The following DPP3 variants were observed in gnomAD, a reference collection of about 807,000 sequenced individuals.
The protein encoded by DPP3 is DPP III.
In DPP3, 64 loss-of-function variants were observed where a neutral mutation model predicts 89.8. The observed-to-expected ratio is 0.71, with a 90% CI of 0.58 to 0.88. The LOEUF (loss-of-function observed/expected upper bound fraction) is 0.88, where lower values mean the gene tolerates loss of function less well. Ranked by LOEUF, DPP3 falls within the 40% of genes least tolerant of loss-of-function variation. The probability of loss-of-function intolerance (pLI) is 0.00; values close to 1 mark genes in which losing one functional copy is unlikely to be tolerated. For synonymous variants in DPP3, 377 were observed against 404.3 expected, an observed-to-expected ratio of 0.93 and a Z score of 0.81; for missense variants, 835 against 972.5, an observed-to-expected ratio of 0.86 and a Z score of 1.88.
chr11:66,495,008 A>G (rs549025418), intron 12 of DPP3, among the ~76,000 whole-genome samples, 198 bp from the exon 13 acceptor site: 17 of 152,252 alleles, frequency 1.1e-4, no homozygotes, highest in East Asian at 5.8e-4. Flanking sequence ...CAGGCTCCCA[A>G]TGGCTCTGAG....
At chr11:66,490,330 C>G (rs146006354) in intron 6 of DPP3, among the ~76,000 whole-genome samples, 147 of 152,224 alleles carry the variant, frequency 9.7e-4, no homozygotes, top group African/African-American at 3.4e-3. Flanking sequence ...TTTACTGGCA[C>G]AAAACAACAC....
At chr11:66,486,268 T>TG (rs1855224009) in intron 3 of DPP3, among the ~76,000 whole-genome samples, 1 of 152,190 alleles carries the variant, frequency 6.6e-6, no homozygotes, top group Admixed American at 6.5e-5. Flanking sequence ...TTTGTAGAGA[T>TG]GGGGTCTCTC....
In DPP3 at chr11:66,492,826, A is replaced by T; in HGVS notation, c.1099A>T (p.Lys367Ter). The T allele has an allele frequency of 6.2e-7, 1 of 1,614,040 alleles. No individual in the cohort carries two copies. Among genetic ancestry groups the T allele is most frequent in the Non-Finnish European group, 8.5e-7 (1 of 1,179,982 alleles). ...LPWPPTFEKD[K>*]FLTPDFTSLD... is the part of the protein sequence containing the mutation. The stretch of plus-strand genomic sequence containing the variant: ...CTGGCCCCCAACCTTTGAGAAGGAC[A>T]AGTTCCTCACCCCTGACTTCACCTC... The change falls in exon 10 of 18, where the codon AAG (lysine) becomes TAG (stop). Residue 367 changes from lysine to a stop codon, truncating the protein, a stop_gained. Transcript: ENST00000531863. LOFTEE classifies it high-confidence loss of function.
At chr11:66,480,576 C>G (rs1315467105) in intron 1 of DPP3, 111 bp downstream of exon 1, 25 of 1,251,938 alleles carry the variant, frequency 2.0e-5, no homozygotes, top group Non-Finnish European at 2.3e-5. Flanking sequence ...TCCAGTACCC[C>G]CTCCAAATTC....
rs181354562 is a variant in DPP3 at position 66,508,503 on chromosome 11, C to A, written c.2042-576C>A. 1.3e-3 allele frequency among the ~76,000 whole-genome samples: 200 copies of A among 152,192 alleles called. 2 individuals are homozygous for A. Among genetic ancestry groups the A allele is most frequent in the African/African-American group, 4.6e-3 (193 of 41,538 alleles). On this transcript the variant is annotated intron_variant, in intron 17 of 17. Transcript: ENST00000531863. ...GTATCTGTTTCACCTAGTGTGGCAC[C>A]TGGTGTCTTTTATTATTTATTTATT... is the stretch of plus-strand genomic sequence containing the variant.
intron 1 of DPP3, chr11:66,480,816 A>C (rs1232972227): frequency 1.7e-5 from 4 of 239,064 alleles, no homozygotes; most frequent in Non-Finnish European, 8.0e-6. Context: ...GCCCTTTCCA[A>C]GCCTCAGTTT....
intron 16 of DPP3, among the ~76,000 whole-genome samples, chr11:66,503,076 C>G (rs977705504): frequency 3.9e-5 from 6 of 152,236 alleles, no homozygotes; most frequent in African/African-American, 1.4e-4. Flanking sequence ...TCAAGCGATT[C>G]TCCCACCTCA....
Position 66,509,529 on chromosome 11 carries a change from T to C in DPP3, c.*278T>C. 9.4e-7 allele frequency: 1 copy of C among 1,069,022 alleles called. No homozygotes were observed. Among genetic ancestry groups the C allele is most frequent in the South Asian group, 1.3e-5 (1 of 74,080 alleles). 66.2% of individuals were successfully genotyped at this position (1,069,022 alleles called of 1,614,324 possible). ...CTACCAGATGAGGAAATGGCAGTTC[T>C]GAGAAGTCACTGGTCTAGATCCCGC... On this transcript the variant is annotated 3_prime_UTR_variant, in exon 18 of 18. Transcript: ENST00000531863.
intron 2 of DPP3, 60 bp from the exon 3 acceptor site, chr11:66,485,113 G>A: frequency 6.7e-7 from 1 of 1,490,432 alleles, no homozygotes; most frequent in Non-Finnish European, 9.3e-7. Flanking sequence ...TCAGGAGGAG[G>A]TGTCGCTGGG....
chr11:66,482,478 C>A lies in DPP3; in HGVS notation c.270+8C>A, dbSNP rs1413926140. The A allele has an allele frequency of 2.5e-6, 4 of 1,600,378 alleles. No homozygotes were observed. The South Asian group carries it at 3.3e-5, about 13-fold the overall frequency. The stretch of plus-strand genomic sequence containing the variant: ...ACCGAGGAGGAGTATCAGGTCAGTT[C>A]TCTTGGGCCAACCCACATTACCTGA... On this transcript the variant is annotated splice_region_variant and intron_variant, in intron 2 of 17. Coordinates refer to ENST00000531863, the MANE Select transcript of DPP3 (RefSeq NM_130443.4).
intron 12 of DPP3, among the ~76,000 whole-genome samples, chr11:66,493,839 T>C (rs1377572325): frequency 6.6e-6 from 1 of 152,082 alleles, no homozygotes; most frequent in African/African-American, 2.4e-5. Flanking sequence ...AGAGCCTGGG[T>C]GTACATCTGG....
chr11:66,488,527 A>G (rs1565268135), intron 6 of DPP3, among the ~76,000 whole-genome samples: 2 of 146,842 alleles, frequency 1.4e-5, no homozygotes, highest in Non-Finnish European at 3.0e-5. Context: ...TTACCACTGC[A>G]CTCCAACCTG....
intron 6 of DPP3, among the ~76,000 whole-genome samples, chr11:66,488,833 G>A (rs1855303642): frequency 6.6e-6 from 1 of 152,136 alleles, no homozygotes; most frequent in Non-Finnish European, 1.5e-5. Context: ...ATCCAGTTCT[G>A]ATGGACCCTC....
intron 17 of DPP3, among the ~76,000 whole-genome samples, chr11:66,506,199 A>C (rs1280134735): frequency 1.4e-5 from 2 of 145,182 alleles, no homozygotes; most frequent in Non-Finnish European, 3.0e-5. Context: ...TGATCTACCC[A>C]CCTCAGCCTC....
At chr11:66,499,311 C>T (rs536628296) in intron 16 of DPP3, among the ~76,000 whole-genome samples, 20 of 150,532 alleles carry the variant, frequency 1.3e-4, no homozygotes, top group Middle Eastern at 3.6e-3. Context: ...TGCAGTGAGC[C>T]GAGATTGCGC....
At chr11:66,493,239 A>G (rs1350552389) in intron 11 of DPP3, 60 bp downstream of exon 11, 2 of 1,448,172 alleles carry the variant, frequency 1.4e-6, no homozygotes, top group Non-Finnish European at 1.9e-6. Context: ...AGACTCAGGA[A>G]GAGAGACAGC....
At chr11:66,482,162 C>G in intron 1 of DPP3, 31 bp from the exon 2 acceptor site, 3 of 1,610,222 alleles carry the variant, frequency 1.9e-6, no homozygotes, top group Non-Finnish European at 2.5e-6. Context: ...ATGGGGTAAA[C>G]AACAGCTGTG....
At position 66,482,456 on chromosome 11, in the gene DPP3, G is replaced by A. The variant is rs201636331; in HGVS notation, c.256G>A (p.Glu86Lys). 24 of 1,605,480 alleles carry A rather than the reference G, an allele frequency of 1.5e-5. No homozygotes were observed. The highest frequency in any genetic ancestry group is 5.3e-5 in the African/African-American group (4 of 74,928). The stretch of plus-strand genomic sequence containing the variant: ...ACATGCCCTGGCTGAAGGCCTTACC[G>A]AGGAGGAGTATCAGGTCAGTTCTCT... ...RQHALAEGLTEEEYQAFLVYA... is the reference protein window; with the variant it reads ...RQHALAEGLTKEEYQAFLVYA... Residue 86 changes from glutamate to lysine, a missense_variant, in exon 2 of 18, where the codon GAG becomes AAG. Glu to Lys is a moderately conservative substitution (Grantham distance 56). Transcript: ENST00000531863.
At chr11:66,487,463 C>T (rs926510308) in intron 5 of DPP3, 121 bp downstream of exon 5, 21 of 1,031,646 alleles carry the variant, frequency 2.0e-5, no homozygotes, top group African/African-American at 8.0e-5. Flanking sequence ...CTAGGGAAGG[C>T]GCGACCCCTG....
Sources: allele counts gnomAD v4.1 joint callset (sites outside exome capture counted in the v4.1 genomes callset), GRCh38; gene constraint gnomAD v4.1.1; transcripts MANE v1.5; gene names NCBI Gene and HGNC (gene_info 2026-07-23, HGNC 2026-07-21).